Variants in RRP15 observed in about 807,000 individuals in gnomAD.
RRP15 encodes RRP15-like protein.
Under a neutral mutation model 27.1 loss-of-function variants are expected in RRP15, and 18 were observed. The observed-to-expected ratio is 0.66, with a 90% CI of 0.46 to 0.98. The LOEUF is 0.98. RRP15 is among the 50% of genes least tolerant of loss of function. RRP15 has a pLI of 0.00. For missense variants in RRP15, 359 were observed against 337.8 expected (o/e 1.06, Z -0.49); for synonymous variants, 107 against 109.4 (o/e 0.98, Z 0.14).
At chr1:218,312,953 T>C (rs1656026062) in intron 4 of RRP15, among the ~76,000 whole-genome samples, 1 of 152,218 alleles carries the variant, frequency 6.6e-6, no homozygotes. Flanking sequence ...AGGTTGGCAT[T>C]AGATTTGAAG....
intron 1 of RRP15, 66 bp downstream of exon 1, chr1:218,285,521 CGCTTGCGACTTCATTT>C (rs1376205982): frequency 6.3e-7 from 1 of 1,594,564 alleles, no homozygotes; most frequent in Non-Finnish European, 8.5e-7. Flanking sequence ...TGTCAAGCAG[CGCTTGCGACTTCATTT>C]GCTGCTAGCC....
intron 1 of RRP15, among the ~76,000 whole-genome samples, chr1:218,289,943 A>G (rs1328893556): frequency 4.6e-5 from 7 of 152,138 alleles, no homozygotes; most frequent in Non-Finnish European, 7.4e-5. Flanking sequence ...TGGCCTCCCA[A>G]AGTGCTGGGA....
At chr1:218,319,796 C>T (rs894304362) in intron 4 of RRP15, among the ~76,000 whole-genome samples, 12 of 152,212 alleles carry the variant, frequency 7.9e-5, no homozygotes, top group South Asian at 2.1e-4. Context: ...ATCAGGAAGA[C>T]GTTGGTATCT....
intron 4 of RRP15, among the ~76,000 whole-genome samples, chr1:218,310,921 G>A (rs1655985263): frequency 6.6e-6 from 1 of 151,734 alleles, no homozygotes; most frequent in Admixed American, 6.6e-5. Context: ...GCTAATTTTT[G>A]TATTTTTAGT....
At chr1:218,303,828 A>G (rs1253911840) in intron 2 of RRP15, among the ~76,000 whole-genome samples, 1 of 152,224 alleles carries the variant, frequency 6.6e-6, no homozygotes, top group Non-Finnish European at 1.5e-5. Context: ...TATGTAAATT[A>G]TTATTTCCTA....
At chr1:218,287,461 A>G (rs190726837) in intron 1 of RRP15, among the ~76,000 whole-genome samples, 8 of 152,288 alleles carry the variant, frequency 5.3e-5, no homozygotes, top group South Asian at 2.1e-4. Flanking sequence ...ATTCAATTCA[A>G]TGAACACTTG....
rs1045796883 is a variant in RRP15, at chr1:218,337,591, TAA to T, written c.*6501_*6502del. ...AAGATTAAAAACATTATGGATAGTA[TAA>T]GTTTCTTAAATGCCAACAATGCATG... On this transcript the variant is annotated 3_prime_UTR_variant, in exon 5 of 5. Transcript: ENST00000366932. The T allele has an allele frequency of 1.3e-5, 2 of 152,178 alleles. No individual in the cohort carries two copies. Among genetic ancestry groups the T allele is most frequent in the African/African-American group, 4.8e-5 (2 of 41,464 alleles). The allele number at this position is 152,178 out of a possible 1,614,324, so 9.4% of individuals were successfully genotyped here.
intron 4 of RRP15, among the ~76,000 whole-genome samples, chr1:218,325,527 A>T (rs146783859): frequency 6.6e-6 from 1 of 152,258 alleles, no homozygotes; most frequent in African/African-American, 2.4e-5. Flanking sequence ...TGACATTTTG[A>T]AAGTATTTGT....
rs1322284370 is a variant in RRP15, at chr1:218,323,592, C to G, written c.706-7356C>G. ...GCCCTCCCTGGCCTGAAGGTGGGGC[C>G]TCACCGGGGACCCTCCCCCTTCTAC... On this transcript the variant is annotated intron_variant, in intron 4 of 4. Coordinates refer to ENST00000366932, the MANE Select transcript of RRP15 (RefSeq NM_016052.4). Among the ~76,000 whole-genome samples the G allele has an allele frequency of 3.3e-5, 5 of 152,332 alleles. No homozygotes were observed. In the East Asian group the frequency reaches 5.8e-4, roughly 18 times the overall value.
At chr1:218,290,048 C>T (rs1159209918) in intron 1 of RRP15, among the ~76,000 whole-genome samples, 1 of 152,158 alleles carries the variant, frequency 6.6e-6, no homozygotes, top group Non-Finnish European at 1.5e-5. Flanking sequence ...TCATTGCAGC[C>T]TTACTCCCTT....
At chr1:218,321,128 G>A (rs899327228) in intron 4 of RRP15, among the ~76,000 whole-genome samples, 9 of 152,048 alleles carry the variant, frequency 5.9e-5, no homozygotes, top group Admixed American at 3.3e-4. Context: ...GTATGTTTGC[G>A]CTTTGAAATG....
chr1:218,307,633 G>A lies in RRP15; in HGVS notation c.705+1G>A, dbSNP rs2102501937. The stretch of plus-strand genomic sequence containing the variant: ...CAGGAAGAAACCAAAAGCCAAACAG[G>A]TAAAAACTTTTCTATAGGATTCAGT... On this transcript the variant is annotated splice_donor_variant, in intron 4 of 4. Coordinates refer to ENST00000366932, the MANE Select transcript of RRP15 (RefSeq NM_016052.4). LOFTEE classifies it high-confidence loss of function. 1.2e-6 allele frequency: 2 copies of A among 1,609,452 alleles called. No individual in the cohort carries two copies. Among genetic ancestry groups the A allele is most frequent in the East Asian group, 2.2e-5 (1 of 44,800 alleles).
rs117122813 is a variant in RRP15 at position 218,335,854 on chromosome 1, A to G, written c.*4763A>G. 4 of 152,310 alleles carry G rather than the reference A, an allele frequency of 2.6e-5. No homozygotes were observed. In the East Asian group the frequency reaches 7.7e-4, roughly 29 times the overall value. 9.4% of individuals were successfully genotyped at this position (152,310 alleles called of 1,614,324 possible). On this transcript the variant is annotated 3_prime_UTR_variant, in exon 5 of 5. Coordinates refer to ENST00000366932, the MANE Select transcript of RRP15 (RefSeq NM_016052.4). ...TCAGTATTTATATTTTTAAAAAGAT[A>G]TGTTTCTTTATAATTAACTTGTATT...
Position 218,332,242 on chromosome 1 carries a change from A to G in RRP15, c.*1151A>G, listed in dbSNP as rs1656383916. ...ACCAGTGAATTGATGCACTTAGACA[A>G]CAAGTAATCTGCAGCAGAATATTGC... On this transcript the variant is annotated 3_prime_UTR_variant, in exon 5 of 5. Coordinates refer to ENST00000366932, the MANE Select transcript of RRP15 (RefSeq NM_016052.4). 1 of 152,160 alleles carries G rather than the reference A, an allele frequency of 6.6e-6. No individual in the cohort carries two copies. The highest frequency in any genetic ancestry group is 6.5e-5 in the Admixed American group (1 of 15,280). 9.4% of individuals were successfully genotyped at this position (152,160 alleles called of 1,614,324 possible). A position where few individuals can be genotyped will look rare whatever the true frequency, so the allele number is the denominator to read the frequency against.
chr1:218,308,929 A>T (rs1198902595), intron 4 of RRP15, among the ~76,000 whole-genome samples: 1 of 152,228 alleles, frequency 6.6e-6, no homozygotes, highest in African/African-American at 2.4e-5. Context: ...AACTAGTGGG[A>T]AGATGAAGAG....
Position 218,302,484 on chromosome 1 carries a change from T to C in RRP15, c.330T>C (p.Thr110=). ...LNKKTPESKP[T]ILVKNKKLEK... ...AGAAAACTCCTGAAAGTAAACCTACTATTCTGGTCAAAAATAAGAAGCTGG... is the reference window on the plus strand; with the variant it reads ...AGAAAACTCCTGAAAGTAAACCTACCATTCTGGTCAAAAATAAGAAGCTGG... The change falls in exon 2 of 5, where the codon ACT becomes ACC. Residue 110 remains threonine (T), a synonymous_variant. Transcript: ENST00000366932. 4 of 1,613,976 alleles carry C rather than the reference T, an allele frequency of 2.5e-6. No homozygotes were observed. Among genetic ancestry groups the C allele is most frequent in the East Asian group, 2.2e-5 (1 of 44,874 alleles).
In RRP15 at chr1:218,337,579, T is replaced by C. The variant is rs1656468864; in HGVS notation, c.*6488T>C. 1 of 152,106 alleles carries C rather than the reference T, an allele frequency of 6.6e-6. No individual in the cohort carries two copies. The highest frequency in any genetic ancestry group is 6.5e-5 in the Admixed American group (1 of 15,272). 9.4% of individuals were successfully genotyped at this position (152,106 alleles called of 1,614,324 possible). A position where few individuals can be genotyped will look rare whatever the true frequency, so the allele number is the denominator to read the frequency against. On this transcript the variant is annotated 3_prime_UTR_variant, in exon 5 of 5. Transcript: ENST00000366932. ...AACTGAAAAAGTAAGATTAAAAACA[T>C]TATGGATAGTATAAGTTTCTTAAAT... is the stretch of plus-strand genomic sequence containing the variant.
chr1:218,306,741 AT>A (rs1250842803), intron 3 of RRP15, among the ~76,000 whole-genome samples: 26 of 152,200 alleles, frequency 1.7e-4, no homozygotes, highest in African/African-American at 5.3e-4. Flanking sequence ...GAAATATAAA[AT>A]GAAAGAGGTG....
At chr1:218,304,752 A>G (rs927569476) in intron 2 of RRP15, among the ~76,000 whole-genome samples, 2 of 152,214 alleles carry the variant, frequency 1.3e-5, no homozygotes, top group East Asian at 1.9e-4. Flanking sequence ...CTCACACCCT[A>G]TCTTGTACTG....
Sources: gnomAD v4.1 joint callset for allele counts (sites outside exome capture counted in the v4.1 genomes callset) on GRCh38, gnomAD v4.1.1 for gene constraint, MANE v1.5 for transcripts, NCBI Gene and HGNC (gene_info 2026-07-23, HGNC 2026-07-21) for gene names.